The following GLIS3 variants were observed in gnomAD, a reference collection of about 807,000 sequenced individuals.
GLIS3 encodes GLIS family zinc finger 3.
A neutral mutation model predicts 78.6 loss-of-function variants in GLIS3; 53 were observed. The ratio of observed to expected loss-of-function variants is 0.67; its 90% CI spans 0.54 to 0.85. The LOEUF (loss-of-function observed/expected upper bound fraction) is 0.85. GLIS3 is among the 40% of genes least tolerant of loss of function. The pLI is 0.00. For missense variants in GLIS3, 1,703 were observed against 1,231.1 expected (o/e 1.38, Z -5.74); for synonymous variants, 684 against 509.9 (o/e 1.34, Z -4.60).
chr9:4,143,969 C>T (rs1393630860), intron 2 of GLIS3, among the ~76,000 whole-genome samples: 2 of 152,214 alleles, frequency 1.3e-5, no homozygotes, highest in Non-Finnish European at 2.9e-5. Flanking sequence ...GAATAGACGA[C>T]GTCTCCCTTC....
the GLIS3 span, among the ~76,000 whole-genome samples, chr9:4,483,516 G>A: frequency 1.3e-5 from 2 of 152,120 alleles, no homozygotes; most frequent in African/African-American, 4.8e-5. Flanking sequence ...TCAGGAGTTT[G>A]AGACCAGCCT....
chr9:4,426,673 T>G, the GLIS3 span, among the ~76,000 whole-genome samples: 2 of 152,248 alleles, frequency 1.3e-5, no homozygotes, highest in Non-Finnish European at 2.9e-5. Context: ...GCAAAATATT[T>G]GAACCTTTGA....
chr9:4,066,455 C>T (rs1827105026), intron 4 of GLIS3, among the ~76,000 whole-genome samples: 1 of 152,178 alleles, frequency 6.6e-6, no homozygotes, highest in Non-Finnish European at 1.5e-5. Flanking sequence ...ATAAAAGCAA[C>T]TTACCAGCCC....
chr9:3,991,621 G>A (rs1448180889), intron 4 of GLIS3, among the ~76,000 whole-genome samples: 1 of 148,506 alleles, frequency 6.7e-6, no homozygotes, highest in Non-Finnish European at 1.5e-5. Context: ...TATTTTAACT[G>A]TTGCTTATCT....
chr9:3,873,143 A>T (rs1222698243), intron 8 of GLIS3, among the ~76,000 whole-genome samples: 2 of 152,186 alleles, frequency 1.3e-5, no homozygotes, highest in Non-Finnish European at 2.9e-5. Context: ...TCACAGCAAA[A>T]TTCTACCAAA....
At chr9:4,298,866 G>A (rs1404426113) in intron 1 of GLIS3, among the ~76,000 whole-genome samples, 1 of 152,154 alleles carries the variant, frequency 6.6e-6, no homozygotes, top group Non-Finnish European at 1.5e-5. Context: ...CACCGGCTTG[G>A]ATGAGACACA....
intron 4 of GLIS3, among the ~76,000 whole-genome samples, chr9:3,971,980 G>A (rs142367293): frequency 7.9e-4 from 121 of 152,218 alleles, no homozygotes; most frequent in Middle Eastern, 3.4e-3. Flanking sequence ...GAAAGATCCC[G>A]CTATTTGTGG....
Position 4,021,320 on chromosome 9 carries a change from T to C in GLIS3, c.1711-84131A>G, listed in dbSNP as rs1343281652. Among the ~76,000 whole-genome samples the C allele has an allele frequency of 2.0e-5, 3 of 152,164 alleles. 1 individual carries two copies. The highest frequency in any genetic ancestry group is 7.2e-5 in the African/African-American group (3 of 41,428). ...TTCATTTTTAAATGATTTATAACATTTTATATGTGGTTTTGATGCAACTGA... is the reference window on the plus strand; with the variant it reads ...TTCATTTTTAAATGATTTATAACATCTTATATGTGGTTTTGATGCAACTGA... On this transcript the variant is annotated intron_variant, in intron 4 of 10. Transcript: ENST00000381971.
chr9:4,238,355 A>G (rs1233433915), intron 2 of GLIS3, among the ~76,000 whole-genome samples: 1 of 152,184 alleles, frequency 6.6e-6, no homozygotes, highest in East Asian at 1.9e-4. Context: ...GAGAGGAAGA[A>G]TATGACCGTG....
At chr9:4,066,264 G>T (rs1827089187) in intron 4 of GLIS3, among the ~76,000 whole-genome samples, 2 of 152,198 alleles carry the variant, frequency 1.3e-5, no homozygotes, top group African/African-American at 4.8e-5. Context: ...ACTCATTGCT[G>T]TGGGGCAGAT....
At chr9:4,252,378 T>G (rs1020681440) in intron 2 of GLIS3, among the ~76,000 whole-genome samples, 3 of 152,134 alleles carry the variant, frequency 2.0e-5, no homozygotes, top group African/African-American at 7.2e-5. Flanking sequence ...TCTGACATCC[T>G]TTCTTCCGCT....
chr9:4,384,577 A>G, the GLIS3 span, among the ~76,000 whole-genome samples: 1 of 148,932 alleles, frequency 6.7e-6, no homozygotes, highest in African/African-American at 2.5e-5. Context: ...TCCTTTATAT[A>G]TAATATATAT....
At chr9:4,049,709 A>G (rs111557695) in intron 4 of GLIS3, among the ~76,000 whole-genome samples, 7,510 of 152,214 alleles carry the variant, frequency 0.049, 281 homozygotes, top group Middle Eastern at 0.088. Flanking sequence ...CTGACAAAGG[A>G]CTAATATCCA....
At chr9:3,988,792 A>G (rs1356020600) in intron 4 of GLIS3, among the ~76,000 whole-genome samples, 2 of 152,198 alleles carry the variant, frequency 1.3e-5, no homozygotes, top group Non-Finnish European at 2.9e-5. Context: ...AATGTAAGAA[A>G]CAGCACCATA....
intron 4 of GLIS3, among the ~76,000 whole-genome samples, chr9:3,945,335 C>A (rs1033423247): frequency 6.6e-6 from 1 of 152,132 alleles, no homozygotes; most frequent in African/African-American, 2.4e-5. Context: ...TTTTACTACT[C>A]TATATTAAAG....
intron 2 of GLIS3, among the ~76,000 whole-genome samples, chr9:4,166,610 G>A (rs1815862987): frequency 6.6e-6 from 1 of 152,220 alleles, no homozygotes; most frequent in South Asian, 2.1e-4. Flanking sequence ...CCTTCCAGGA[G>A]TTCAGTTTTA....
intron 4 of GLIS3, among the ~76,000 whole-genome samples, chr9:3,960,862 G>T (rs992879521): frequency 1.3e-5 from 2 of 152,150 alleles, no homozygotes; most frequent in African/African-American, 4.8e-5. Flanking sequence ...TCAATGTCCT[G>T]ATGTTTCGCC....
At chr9:4,324,114 G>A (rs1349669650) in intron 2 of GLIS3, among the ~76,000 whole-genome samples, 1 of 152,114 alleles carries the variant, frequency 6.6e-6, no homozygotes, top group Non-Finnish European at 1.5e-5. Flanking sequence ...TGTAACTCCT[G>A]CACACATAAC....
intron 4 of GLIS3, among the ~76,000 whole-genome samples, chr9:3,947,081 C>T (rs912573673): frequency 6.6e-6 from 1 of 152,170 alleles, no homozygotes; most frequent in Non-Finnish European, 1.5e-5. Context: ...GACTCCAATC[C>T]AGTGTCCCAG....
Sources: gnomAD v4.1 joint callset for allele counts (sites outside exome capture counted in the v4.1 genomes callset) on GRCh38, gnomAD v4.1.1 for gene constraint, MANE v1.5 for transcripts, NCBI Gene and HGNC (gene_info 2026-07-23, HGNC 2026-07-21) for gene names.